Variants in OSBPL6 observed in about 807,000 individuals in gnomAD.
OSBPL6 encodes oxysterol binding protein like 6.
In OSBPL6, 49 loss-of-function variants were observed where a neutral mutation model predicts 125.8. That is an observed-to-expected ratio of 0.39 (90% CI 0.31 to 0.49). OSBPL6 has a LOEUF of 0.49. Ranked by LOEUF, OSBPL6 falls within the 20% of genes least tolerant of loss-of-function variation. The probability of loss-of-function intolerance (pLI) is 0.88; values close to 1 mark genes in which losing one functional copy is unlikely to be tolerated. For missense variants in OSBPL6, 986 were observed against 1,135.4 expected (o/e 0.87, Z 1.89); for synonymous variants, 394 against 391.8 (o/e 1.01, Z -0.07).
intron 2 of OSBPL6, among the ~76,000 whole-genome samples, chr2:178,288,112 CT>C (rs1274606733): frequency 6.6e-6 from 1 of 152,264 alleles, no homozygotes; most frequent in Non-Finnish European, 1.5e-5. Context: ...AGACTTCCCC[CT>C]GGAGTAGTGG....
chr2:178,270,692 A>G (rs1329446192), intron 1 of OSBPL6, among the ~76,000 whole-genome samples: 1 of 152,106 alleles, frequency 6.6e-6, no homozygotes, highest in Non-Finnish European at 1.5e-5. Flanking sequence ...TGGGGATGTA[A>G]TTTCTCCCAG....
Position 178,397,161 on chromosome 2 carries a change from C to T in OSBPL6, c.*1602C>T, listed in dbSNP as rs1695896008. 2 of 152,180 alleles carry T rather than the reference C, an allele frequency of 1.3e-5. No individual in the cohort carries two copies. Among genetic ancestry groups the T allele is most frequent in the South Asian group, 4.1e-4 (2 of 4,834 alleles). 9.4% of individuals were successfully genotyped at this position (152,180 alleles called of 1,614,324 possible). On this transcript the variant is annotated 3_prime_UTR_variant, in exon 25 of 25. Coordinates refer to ENST00000190611, the MANE Select transcript of OSBPL6 (RefSeq NM_032523.4). Reference sequence around the variant, plus strand: ...GGCTAATACACCATCAAATGAAAAACTGCTGATGAGAGTGTAAGAGAAAGC... The same window carrying T: ...GGCTAATACACCATCAAATGAAAAATTGCTGATGAGAGTGTAAGAGAAAGC...
rs779887511 is a variant in OSBPL6, at chr2:178,396,424, C to G, written c.*865C>G. On this transcript the variant is annotated 3_prime_UTR_variant, in exon 25 of 25. Coordinates refer to ENST00000190611, the MANE Select transcript of OSBPL6 (RefSeq NM_032523.4). ...TCTTCCACCTAACCTCACAGTGTGC[C>G]CTATTATTTGGAAAAATCTGTCTTT... is the stretch of plus-strand genomic sequence containing the variant. 2 of 152,156 alleles carry G rather than the reference C, an allele frequency of 1.3e-5. No homozygotes were observed. Among genetic ancestry groups the G allele is most frequent in the Non-Finnish European group, 2.9e-5 (2 of 68,036 alleles). The allele number at this position is 152,156 out of a possible 1,614,324, so 9.4% of individuals were successfully genotyped here. A position where few individuals can be genotyped will look rare whatever the true frequency, so the allele number is the denominator to read the frequency against.
chr2:178,274,191 A>G (rs964396739), intron 1 of OSBPL6, among the ~76,000 whole-genome samples: 1 of 152,188 alleles, frequency 6.6e-6, no homozygotes, highest in African/African-American at 2.4e-5. Context: ...TTTATCAGAT[A>G]GGCTTGCAAC....
At chr2:178,314,593 G>A (rs1559234703) in intron 3 of OSBPL6, among the ~76,000 whole-genome samples, 1 of 152,190 alleles carries the variant, frequency 6.6e-6, no homozygotes. Context: ...GCTCAGACTG[G>A]GACCAATTTT....
chr2:178,293,492 A>G (rs770574299), intron 2 of OSBPL6, among the ~76,000 whole-genome samples: 1 of 152,136 alleles, frequency 6.6e-6, no homozygotes, highest in Non-Finnish European at 1.5e-5. Flanking sequence ...AATTTTTAAA[A>G]AATTTTTATG....
intron 15 of OSBPL6, among the ~76,000 whole-genome samples, chr2:178,376,983 CA>C (rs1319962645): frequency 6.6e-6 from 1 of 152,178 alleles, no homozygotes; most frequent in Non-Finnish European, 1.5e-5. Context: ...CAGATAAACC[CA>C]AGTGACAGAT....
chr2:178,262,496 G>A (rs546480958), intron 1 of OSBPL6, among the ~76,000 whole-genome samples: 63 of 152,176 alleles, frequency 4.1e-4, no homozygotes, highest in African/African-American at 1.5e-3. Context: ...TCCAAGGCAA[G>A]GATTTTATGA....
At chr2:178,228,432 G>C (rs2090667601) in intron 1 of OSBPL6, among the ~76,000 whole-genome samples, 1 of 152,228 alleles carries the variant, frequency 6.6e-6, no homozygotes, top group African/African-American at 2.4e-5. Context: ...CTACTCGGGA[G>C]GCTGAGGCAG....
intron 1 of OSBPL6, among the ~76,000 whole-genome samples, chr2:178,230,803 T>C (rs1027502049): frequency 1.3e-5 from 2 of 152,232 alleles, no homozygotes; most frequent in Non-Finnish European, 2.9e-5. Context: ...CTTTTCCCTA[T>C]ACCTTATAGC....
At chr2:178,321,506 C>CT (rs35293342) in intron 3 of OSBPL6, among the ~76,000 whole-genome samples, 7 of 152,180 alleles carry the variant, frequency 4.6e-5, no homozygotes, top group Non-Finnish European at 1.0e-4. Context: ...TAGGGTTATG[C>CT]TTTTTTTAAA....
intron 8 of OSBPL6, among the ~76,000 whole-genome samples, chr2:178,335,558 G>T (rs1283475561): frequency 6.6e-6 from 1 of 152,162 alleles, no homozygotes; most frequent in East Asian, 1.9e-4. Context: ...CTAAGAATGT[G>T]CATCATTCAC....
Position 178,336,426 on chromosome 2 carries a change from T to C in OSBPL6, c.783T>C (p.Cys261=). Residue 261 remains cysteine (C), a synonymous_variant, in exon 9 of 25, where the codon TGT becomes TGC. Coordinates refer to ENST00000190611, the MANE Select transcript of OSBPL6 (RefSeq NM_032523.4). ...WLQDSEEMDR[C]AEDLAHCQSN... is the part of the protein sequence containing the mutation. The stretch of plus-strand genomic sequence containing the variant: ...AGGACTCGGAAGAGATGGACAGGTG[T>C]GCAGAAGGTTAGTTCTTGCCCAGTG... 6.2e-7 allele frequency: 1 copy of C among 1,613,920 alleles called. No homozygotes were observed. The highest frequency in any genetic ancestry group is 8.5e-7 in the Non-Finnish European group (1 of 1,179,928).
chr2:178,362,749 T>A (rs1692467446), intron 13 of OSBPL6, among the ~76,000 whole-genome samples: 1 of 152,140 alleles, frequency 6.6e-6, no homozygotes, highest in African/African-American at 2.4e-5. Flanking sequence ...TTTTCAGTGT[T>A]AAGTTTCATG....
chr2:178,224,208 G>A (rs114060038), intron 1 of OSBPL6, among the ~76,000 whole-genome samples: 2,164 of 152,268 alleles, frequency 0.014, 46 homozygotes, highest in African/African-American at 0.049. Context: ...ATGTAAGAGA[G>A]GCTGGAAGGG....
intron 1 of OSBPL6, among the ~76,000 whole-genome samples, chr2:178,259,235 G>A (rs1190577245): frequency 1.3e-5 from 2 of 152,078 alleles, no homozygotes; most frequent in Non-Finnish European, 2.9e-5. Context: ...ATATGTTTTT[G>A]TTATTTTACT....
chr2:178,262,620 A>G (rs2092098914), intron 1 of OSBPL6, among the ~76,000 whole-genome samples: 1 of 152,226 alleles, frequency 6.6e-6, no homozygotes, highest in African/African-American at 2.4e-5. Context: ...CAGTGTGACA[A>G]GAGCAGAGTT....
At chr2:178,349,181 A>T in intron 11 of OSBPL6, 43 bp from the exon 12 acceptor site, 1 of 1,585,706 alleles carries the variant, frequency 6.3e-7, no homozygotes, top group Non-Finnish European at 8.7e-7. Flanking sequence ...AATGTGAAAC[A>T]ATGCACTGTT....
chr2:178,382,246 A>G (rs1694548840), intron 15 of OSBPL6, among the ~76,000 whole-genome samples, 174 bp from the exon 16 acceptor site: 1 of 152,178 alleles, frequency 6.6e-6, no homozygotes, highest in Admixed American at 6.5e-5. Context: ...TAGTGATCCT[A>G]TATGCTAGTT....
Sources: gnomAD v4.1 joint callset for allele counts (sites outside exome capture counted in the v4.1 genomes callset) on GRCh38, gnomAD v4.1.1 for gene constraint, MANE v1.5 for transcripts, NCBI Gene and HGNC (gene_info 2026-07-23, HGNC 2026-07-21) for gene names.